Variants in CLCN6 observed in about 807,000 individuals in gnomAD.
The protein encoded by CLCN6 is H(+)/Cl(-) exchange transporter 6.
Under a neutral mutation model 109.8 loss-of-function variants are expected in CLCN6, and 70 were observed. The ratio of observed to expected loss-of-function variants is 0.64; its 90% confidence interval spans 0.53 to 0.78. The LOEUF (loss-of-function observed/expected upper bound fraction) is 0.78, where lower values mean the gene tolerates loss of function less well. Among genes scored for constraint, CLCN6 ranks in the 30% least tolerant of loss-of-function variants. The probability of loss-of-function intolerance (pLI) is 0.00; values close to 1 mark genes in which losing one functional copy is unlikely to be tolerated. For synonymous variants in CLCN6, 444 were observed against 447.8 expected (o/e 0.99, Z 0.11); for missense variants, 984 against 1,142.3 (o/e 0.86, Z 2.00).
In CLCN6 at chr1:11,840,167, A is replaced by G. The variant is rs374466254; in HGVS notation, c.2554A>G (p.Asn852Asp). 12 of 1,613,828 alleles carry G rather than the reference A, an allele frequency of 7.4e-6. No homozygotes were observed. The highest frequency in any genetic ancestry group is 1.0e-5 in the Non-Finnish European group (12 of 1,180,034). ...GEIVGIITRH[N>D]LTYEFLQARL... ...GATCGTGGGGATCATCACACGGCACAACCTCACCTATGAATTTCTGCAGGC... is the reference window on the plus strand; with the variant it reads ...GATCGTGGGGATCATCACACGGCACGACCTCACCTATGAATTTCTGCAGGC... The change falls in exon 23 of 23, where the codon AAC becomes GAC. Residue 852 changes from asparagine to aspartate, a missense_variant. Physicochemically the swap from Asn to Asp is conservative, Grantham distance 23 (BLOSUM62 1). Coordinates refer to ENST00000346436, the MANE Select transcript of CLCN6 (RefSeq NM_001286.5).
Position 11,835,957 on chromosome 1 carries a change from C to T in CLCN6, c.1794-10C>T. 4.3e-6 allele frequency: 7 copies of T among 1,610,440 alleles called. No homozygotes were observed. Among genetic ancestry groups the T allele is most frequent in the Non-Finnish European group, 5.9e-6 (7 of 1,178,214 alleles). Reference sequence around the variant, plus strand: ...GTCATGAGGCTGGATGACTTGCCCTCCTCCCCCAGGCTGAGAGCCAGCGAC... The same window carrying T: ...GTCATGAGGCTGGATGACTTGCCCTTCTCCCCCAGGCTGAGAGCCAGCGAC... On this transcript the variant is annotated splice_polypyrimidine_tract_variant and intron_variant, in intron 17 of 22. Coordinates refer to ENST00000346436, the MANE Select transcript of CLCN6 (RefSeq NM_001286.5).
intron 4 of CLCN6, among the ~76,000 whole-genome samples, chr1:11,818,416 G>T (rs1479472922): frequency 6.6e-6 from 1 of 151,252 alleles, no homozygotes; most frequent in Non-Finnish European, 1.5e-5. Context: ...GTATAATGTA[G>T]ATATTCGAAA....
chr1:11,819,645 A>G (rs1386025260), intron 5 of CLCN6, 91 bp downstream of exon 5: 6 of 1,071,178 alleles, frequency 5.6e-6, no homozygotes, highest in African/African-American at 4.7e-5. Context: ...TAAGCATAGT[A>G]TTAGAAGGGC....
intron 2 of CLCN6, among the ~76,000 whole-genome samples, chr1:11,808,193 ATAT>A (rs201659009): frequency 0.026 from 3,718 of 144,422 alleles, 69 homozygotes; most frequent in Non-Finnish European, 0.039. Context: ...CTCCTTTCTC[ATAT>A]TATTATTTTT....
At chr1:11,819,716 C>T (rs894066826) in intron 5 of CLCN6, among the ~76,000 whole-genome samples, 162 bp downstream of exon 5, 2 of 152,166 alleles carry the variant, frequency 1.3e-5, no homozygotes, top group African/African-American at 4.8e-5. Flanking sequence ...AAAAGAAGGA[C>T]TTTAATAAGC....
rs1400118734 is a variant in CLCN6, at chr1:11,834,254, C to T, written c.1545C>T (p.His515=). ...NVLKSYIGLG[H]IYSGTFALIG... ...TCACTAGCTACATTGGATTGGGCCACATCTATTCGGGGACCTTTGCCCTGA... is the reference window on the plus strand; with the variant it reads ...TCACTAGCTACATTGGATTGGGCCATATCTATTCGGGGACCTTTGCCCTGA... The change falls in exon 16 of 23, where the codon CAC becomes CAT. Residue 515 remains histidine, a synonymous_variant. Coordinates refer to ENST00000346436, the MANE Select transcript of CLCN6 (RefSeq NM_001286.5). This position sits in a 1 kb window ranked among gnomAD's most constrained non-coding sequence, Gnocchi z 4.5. 4.3e-6 allele frequency: 7 copies of T among 1,613,744 alleles called. No homozygotes were observed. The highest frequency in any genetic ancestry group is 1.7e-4 in the Middle Eastern group (1 of 6,050).
intron 18 of CLCN6, 130 bp from the exon 19 acceptor site, chr1:11,836,869 C>T (rs890005398): frequency 9.7e-7 from 1 of 1,032,548 alleles, no homozygotes; most frequent in Admixed American, 2.4e-5. Context: ...CTCTTTTGAA[C>T]CTCAGCCCCA....
intron 2 of CLCN6, among the ~76,000 whole-genome samples, chr1:11,809,082 G>A (rs1487193238): frequency 3.9e-5 from 6 of 152,084 alleles, no homozygotes; most frequent in East Asian, 1.9e-4. Flanking sequence ...GGCTGGTCTC[G>A]AACTCCTGAC....
intron 5 of CLCN6, among the ~76,000 whole-genome samples, chr1:11,822,186 T>G (rs1644752722): frequency 6.6e-6 from 1 of 152,112 alleles, no homozygotes; most frequent in African/African-American, 2.4e-5. Flanking sequence ...AAAGCTACAG[T>G]TGTGAGGGTA....
chr1:11,830,764 T>TAC (rs1165865674), intron 13 of CLCN6, among the ~76,000 whole-genome samples: 163 of 115,600 alleles, frequency 1.4e-3, no homozygotes, highest in African/African-American at 2.5e-3. Flanking sequence ...TATATATATA[T>TAC]ACACACACAC....
At chr1:11,810,863 CAAGACCA>C (rs1644589629) in intron 2 of CLCN6, among the ~76,000 whole-genome samples, 1 of 152,116 alleles carries the variant, frequency 6.6e-6, no homozygotes, top group African/African-American at 2.4e-5. Context: ...GCCAGGAGTT[CAAGACCA>C]TCCTGGGCAA....
chr1:11,830,783 T>TACACACACAC (rs71585869), intron 13 of CLCN6, among the ~76,000 whole-genome samples: 1 of 137,842 alleles, frequency 7.3e-6, no homozygotes, highest in Admixed American at 7.2e-5. Flanking sequence ...ACACTATATA[T>TACACACACAC]ACACACACAC....
chr1:11,821,313 T>C (rs976087124), intron 5 of CLCN6, among the ~76,000 whole-genome samples: 3 of 152,094 alleles, frequency 2.0e-5, no homozygotes, highest in African/African-American at 4.8e-5. Context: ...ATCCCAGCAC[T>C]TTGGGAGGCC....
chr1:11,824,833 G>A (rs1234830242), intron 8 of CLCN6, among the ~76,000 whole-genome samples: 2 of 152,160 alleles, frequency 1.3e-5, no homozygotes, highest in South Asian at 2.1e-4. Context: ...ATCACCAGGC[G>A]CCTCTATATA....
intron 4 of CLCN6, among the ~76,000 whole-genome samples, chr1:11,819,058 A>G (rs1312745609): frequency 6.6e-6 from 1 of 152,202 alleles, no homozygotes; most frequent in Non-Finnish European, 1.5e-5. Context: ...CCTTTTAAAA[A>G]CATTTATGAG....
chr1:11,830,282 C>CG (rs1553120370), intron 13 of CLCN6: 2 of 151,776 alleles, frequency 1.3e-5, no homozygotes, highest in African/African-American at 4.8e-5. Flanking sequence ...TGAGCATTCT[C>CG]TAAGTGCGGT....
intron 7 of CLCN6, 133 bp downstream of exon 7, chr1:11,823,966 T>C: frequency 8.9e-7 from 1 of 1,123,142 alleles, no homozygotes; most frequent in Non-Finnish European, 1.3e-6. Flanking sequence ...TTTTTGTTGA[T>C]GGGCTGTTTT....
Position 11,822,691 on chromosome 1 carries a change from G to A in CLCN6, c.347-4G>A, listed in dbSNP as rs540931408. On this transcript the variant is annotated splice_polypyrimidine_tract_variant and splice_region_variant and intron_variant, in intron 5 of 22. Coordinates refer to ENST00000346436, the MANE Select transcript of CLCN6 (RefSeq NM_001286.5). ...AACAAGTTTCCTTAACCCAGTTTCC[G>A]CAGCGGTGGAGGAGTGCAGCCAGAA... 1.6e-5 allele frequency: 26 copies of A among 1,600,612 alleles called. No individual in the cohort carries two copies. The highest frequency in any genetic ancestry group is 4.5e-5 in the East Asian group (2 of 44,818).
chr1:11,809,632 A>G (rs1281826202), intron 2 of CLCN6, among the ~76,000 whole-genome samples: 2 of 151,926 alleles, frequency 1.3e-5, no homozygotes, highest in East Asian at 1.9e-4. Flanking sequence ...TAAGTTTTGT[A>G]TTTTTAGTAG....
Sources: allele counts gnomAD v4.1 joint callset (sites outside exome capture counted in the v4.1 genomes callset), GRCh38; gene constraint gnomAD v4.1.1; non-coding constraint Gnocchi (gnomAD v3.1); transcripts MANE v1.5; gene names NCBI Gene and HGNC (gene_info 2026-07-23, HGNC 2026-07-21).